The following SORCS2 variants were observed in gnomAD, a reference collection of about 807,000 sequenced individuals.
SORCS2 encodes the protein sortilin related VPS10 domain containing receptor 2.
In SORCS2, 100 loss-of-function variants were observed where a neutral mutation model predicts 141.6. That is an observed-to-expected ratio of 0.71 (90% CI 0.60 to 0.83). SORCS2 has a LOEUF of 0.83. Ranked by LOEUF, SORCS2 falls within the 40% of genes least tolerant of loss-of-function variation. The probability of loss-of-function intolerance (pLI) is 0.00; values close to 1 mark genes in which losing one functional copy is unlikely to be tolerated. For missense variants in SORCS2, 1,646 were observed against 1,560.2 expected, an observed-to-expected ratio of 1.05 and a Z score of -0.93; for synonymous variants, 789 against 676.9, an observed-to-expected ratio of 1.17 and a Z score of -2.57.
chr4:7,513,190 T>C (rs972860406), intron 2 of SORCS2, among the ~76,000 whole-genome samples: 1 of 152,224 alleles, frequency 6.6e-6, no homozygotes, highest in Non-Finnish European at 1.5e-5. Flanking sequence ...TGGGACCGTA[T>C]GTAGCCATAA....
intron 2 of SORCS2, among the ~76,000 whole-genome samples, chr4:7,476,674 G>C (rs568815280): frequency 6.2e-4 from 94 of 152,170 alleles, no homozygotes; most frequent in Non-Finnish European, 1.2e-3. Flanking sequence ...CAAGTCAGCA[G>C]GGCGGCCATG....
chr4:7,488,283 A>G (rs751708564), intron 2 of SORCS2, among the ~76,000 whole-genome samples: 36 of 152,270 alleles, frequency 2.4e-4, no homozygotes, highest in Non-Finnish European at 4.3e-4. Context: ...GAAAAGCTCA[A>G]TGAGGTTCAG....
intron 3 of SORCS2, among the ~76,000 whole-genome samples, chr4:7,624,098 C>T (rs545928972): frequency 6.6e-6 from 1 of 152,306 alleles, no homozygotes; most frequent in South Asian, 2.1e-4. Context: ...TACAGAAGTG[C>T]TCAATAAATG....
At chr4:7,281,367 C>T (rs1415900746) in intron 1 of SORCS2, among the ~76,000 whole-genome samples, 3 of 152,126 alleles carry the variant, frequency 2.0e-5, no homozygotes, top group Non-Finnish European at 4.4e-5. Context: ...CCCCTTCATT[C>T]GGGGTGTCCC....
rs1465896622 is a variant in SORCS2 at position 7,724,860 on chromosome 4, T to G, written c.2612-294T>G. ...GTGGAGGTGATGGTGGTAGTGGTGA[T>G]GGTGGTGGTAGTGGTGATGGTGGTG... On this transcript the variant is annotated intron_variant, in intron 19 of 26. Coordinates refer to ENST00000507866, the MANE Select transcript of SORCS2 (RefSeq NM_020777.3). Among the ~76,000 whole-genome samples, 68 of 83,698 alleles carry G rather than the reference T, an allele frequency of 8.1e-4. 6 individuals carry two copies. The highest frequency in any genetic ancestry group is 1.8e-3 in the South Asian group (5 of 2,716). 54.9% of individuals were successfully genotyped at this position (83,698 alleles called of 152,430 possible).
At chr4:7,232,812 G>A (rs761990227) in intron 1 of SORCS2, among the ~76,000 whole-genome samples, 4 of 152,196 alleles carry the variant, frequency 2.6e-5, no homozygotes, top group Non-Finnish European at 5.9e-5. Flanking sequence ...CAGGGCACCC[G>A]GTTCAATTCT....
chr4:7,494,298 G>T (rs78623810), intron 2 of SORCS2, among the ~76,000 whole-genome samples: 3,699 of 152,280 alleles, frequency 0.024, 70 homozygotes, highest in African/African-American at 0.052. Flanking sequence ...GTTTTATATC[G>T]GTGTGGTTTC....
Position 7,388,793 on chromosome 4 carries a change from C to G in SORCS2, c.481-7495C>G, listed in dbSNP as rs555713405. ...TCCGACACATCCTTTTTCGTCCTTC[C>G]CATCCACACAGGTGCCCGGGGCTGC... On this transcript the variant is annotated intron_variant, in intron 1 of 26. Transcript: ENST00000507866. Among the ~76,000 whole-genome samples the G allele has an allele frequency of 5.3e-5, 8 of 152,320 alleles. No individual in the cohort carries two copies. The East Asian group carries it at 1.5e-3, about 29-fold the overall frequency.
intron 3 of SORCS2, among the ~76,000 whole-genome samples, chr4:7,598,899 G>A (rs1577815919): frequency 2.0e-5 from 3 of 152,300 alleles, no homozygotes; most frequent in Non-Finnish European, 1.5e-5. Flanking sequence ...GCCGCAGCAC[G>A]AGGAGCCCTG....
chr4:7,425,025 C>T (rs73086312), intron 2 of SORCS2, among the ~76,000 whole-genome samples: 5,808 of 152,256 alleles, frequency 0.038, 368 homozygotes, highest in African/African-American at 0.13. Flanking sequence ...ATCTGTGGGC[C>T]GAGCTCAGGG....
At chr4:7,691,103 T>A (rs2108987891) in intron 11 of SORCS2, among the ~76,000 whole-genome samples, 1 of 152,200 alleles carries the variant, frequency 6.6e-6, no homozygotes, top group East Asian at 1.9e-4. Context: ...GAGTTCACAC[T>A]TCCTGAACCC....
chr4:7,535,030 T>C (rs1372916912), intron 3 of SORCS2, among the ~76,000 whole-genome samples: 1 of 152,106 alleles, frequency 6.6e-6, no homozygotes, highest in Non-Finnish European at 1.5e-5. Flanking sequence ...CCGTGGGCCC[T>C]CCTCCTCCTG....
intron 2 of SORCS2, among the ~76,000 whole-genome samples, chr4:7,525,908 C>A (rs1207228245): frequency 2.0e-4 from 1 of 4,922 alleles, no homozygotes; most frequent in Non-Finnish European, 6.4e-4. Flanking sequence ...TCTCCTCCTG[C>A]AGTCACCTGT....
intron 1 of SORCS2, among the ~76,000 whole-genome samples, chr4:7,218,847 C>A (rs1451529999): frequency 1.3e-5 from 2 of 152,212 alleles, no homozygotes; most frequent in African/African-American, 4.8e-5. Flanking sequence ...GTGGCTTTCC[C>A]AGCACACTCA....
intron 15 of SORCS2, among the ~76,000 whole-genome samples, chr4:7,714,012 C>T (rs777894518): frequency 7.2e-5 from 11 of 152,232 alleles, no homozygotes; most frequent in Non-Finnish European, 1.5e-4. Flanking sequence ...TCGGGCCCAG[C>T]CAGGGCTGCA....
intron 2 of SORCS2, among the ~76,000 whole-genome samples, chr4:7,504,733 CG>C (rs1221116885): frequency 6.6e-6 from 1 of 152,190 alleles, no homozygotes; most frequent in Non-Finnish European, 1.5e-5. Context: ...AGCTTGAACA[CG>C]GGGACCGCAT....
chr4:7,393,033 C>T (rs951745853), intron 1 of SORCS2, among the ~76,000 whole-genome samples: 10 of 152,128 alleles, frequency 6.6e-5, no homozygotes, highest in Non-Finnish European at 1.3e-4. Flanking sequence ...GGAACAGATT[C>T]GTGCACTGCC....
chr4:7,488,239 G>A (rs1731113324), intron 2 of SORCS2, among the ~76,000 whole-genome samples: 1 of 152,212 alleles, frequency 6.6e-6, no homozygotes, highest in Non-Finnish European at 1.5e-5. Flanking sequence ...CTGCTGTCCT[G>A]TTTTGCAGTT....
chr4:7,549,109 G>GGCAGGTTGGGGAATGAGA (rs1319962003), intron 3 of SORCS2, among the ~76,000 whole-genome samples: 2 of 152,276 alleles, frequency 1.3e-5, no homozygotes, highest in East Asian at 3.9e-4. Flanking sequence ...CCCCAGCAAG[G>GGCAGGTTGGGGAATGAGA]GCAGGTTGGG....
Sources: allele counts gnomAD v4.1 joint callset (sites outside exome capture counted in the v4.1 genomes callset), GRCh38; gene constraint gnomAD v4.1.1; transcripts MANE v1.5; gene names NCBI Gene and HGNC (gene_info 2026-07-23, HGNC 2026-07-21).